The following LIPA variants were observed in gnomAD, a reference collection of about 807,000 sequenced individuals.
The protein encoded by LIPA is lipase A, lysosomal acid type, also known as lysosomal acid lipase/cholesteryl ester hydrolase.
LIPA carries 26 observed loss-of-function variants against 40.6 expected under a neutral mutation model. The ratio of observed to expected loss-of-function variants is 0.64; its 90% CI spans 0.47 to 0.89. The LOEUF (loss-of-function observed/expected upper bound fraction) is 0.89. Ranked by LOEUF, LIPA falls within the 40% of genes least tolerant of loss-of-function variation. The pLI is 0.00. For synonymous variants in LIPA, 188 were observed against 168.4 expected (o/e 1.12, Z -0.90); for missense variants, 455 against 479.6 (o/e 0.95, Z 0.48).
chr10:89,409,344 GT>G (rs1281523671), intron 2 of LIPA, among the ~76,000 whole-genome samples: 10 of 148,662 alleles, frequency 6.7e-5, no homozygotes, highest in Non-Finnish European at 1.2e-4. Flanking sequence ...AACCTTGGTG[GT>G]TCAGAGAGGA....
rs117981517 is a variant in LIPA, at chr10:89,378,789, C to T, written c.61+34002G>A. ...GTTTCCTAACTCCTGTTACAGAGCTCGCTTAGTAAGGGTAGCTGGCTTAAT... is the reference window on the plus strand; with the variant it reads ...GTTTCCTAACTCCTGTTACAGAGCTTGCTTAGTAAGGGTAGCTGGCTTAAT... On this transcript the variant is annotated intron_variant, in intron 2 of 8. Coordinates refer to the LIPA transcript ENST00000371837. Among the ~76,000 whole-genome samples, 665 of 152,320 alleles carry T rather than the reference C, an allele frequency of 4.4e-3. 2 individuals are homozygous for T. The highest frequency in any genetic ancestry group is 7.5e-3 in the Non-Finnish European group (507 of 68,030).
intron 1 of LIPA, among the ~76,000 whole-genome samples, chr10:89,319,349 A>G (rs1011159399): frequency 1.3e-5 from 2 of 152,224 alleles, no homozygotes; most frequent in African/African-American, 2.4e-5. Flanking sequence ...AGAAGAATCA[A>G]ATAGATGCAA....
At chr10:89,235,689 A>G (rs1842896795) in intron 3 of LIPA, among the ~76,000 whole-genome samples, 2 of 152,218 alleles carry the variant, frequency 1.3e-5, no homozygotes, top group African/African-American at 4.8e-5. Flanking sequence ...ACATGTGAGA[A>G]ATCAGCTGAG....
At chr10:89,283,841 T>C (rs1010877845) in intron 1 of LIPA, 4 of 152,216 alleles carry the variant, frequency 2.6e-5, no homozygotes, top group African/African-American at 4.8e-5. Context: ...AAATCAGCCT[T>C]TGCCAGAACA....
intron 1 of LIPA, chr10:89,292,528 G>A (rs1472098988): frequency 2.0e-5 from 3 of 152,256 alleles, no homozygotes; most frequent in Non-Finnish European, 4.4e-5. Flanking sequence ...TAAATGGTAT[G>A]GGTGGCAGTA....
intron 4 of LIPA, among the ~76,000 whole-genome samples, chr10:89,227,704 T>C (rs1477965493): frequency 6.6e-6 from 1 of 152,180 alleles, no homozygotes; most frequent in Non-Finnish European, 1.5e-5. Context: ...CTCTGCACCC[T>C]CTCCTTTAAG....
intron 1 of LIPA, among the ~76,000 whole-genome samples, chr10:89,260,610 A>G (rs1379746115): frequency 6.6e-6 from 1 of 152,150 alleles, no homozygotes; most frequent in Non-Finnish European, 1.5e-5. Context: ...GTGCCGACAC[A>G]TTCTGGTACA....
At chr10:89,293,844 T>C (rs1843393103) in intron 1 of LIPA, among the ~76,000 whole-genome samples, 1 of 152,174 alleles carries the variant, frequency 6.6e-6, no homozygotes, top group South Asian at 2.1e-4. Context: ...ACAGGCCCTA[T>C]CTCCAAACAA....
intron 1 of LIPA, among the ~76,000 whole-genome samples, chr10:89,310,537 A>G (rs978042423): frequency 2.0e-5 from 3 of 152,220 alleles, no homozygotes; most frequent in East Asian, 1.9e-4. Flanking sequence ...CTAATATGTA[A>G]GAAATTTTCC....
chr10:89,216,572 A>G (rs899122483), intron 8 of LIPA, among the ~76,000 whole-genome samples: 21 of 152,144 alleles, frequency 1.4e-4, no homozygotes, highest in Admixed American at 5.9e-4. Flanking sequence ...ATAAAAGATA[A>G]TAAAACAATA....
At chr10:89,239,337 C>G (rs1205216557) in intron 3 of LIPA, among the ~76,000 whole-genome samples, 1 of 152,226 alleles carries the variant, frequency 6.6e-6, no homozygotes, top group East Asian at 1.9e-4. Context: ...TTATCTTGGG[C>G]AAGTTAATTA....
chr10:89,395,724 A>G (rs535849149), intron 2 of LIPA, among the ~76,000 whole-genome samples: 1 of 152,198 alleles, frequency 6.6e-6, no homozygotes, highest in Non-Finnish European at 1.5e-5. Context: ...AGAAAGGCAC[A>G]TTGTAAATAT....
chr10:89,316,148 G>C (rs1843540366), intron 1 of LIPA, among the ~76,000 whole-genome samples: 1 of 152,184 alleles, frequency 6.6e-6, no homozygotes, highest in Non-Finnish European at 1.5e-5. Context: ...ATAGCTCCCA[G>C]CATGAGTGAT....
At chr10:89,371,281 A>T (rs1844089995) in intron 2 of LIPA, among the ~76,000 whole-genome samples, 1 of 152,216 alleles carries the variant, frequency 6.6e-6, no homozygotes, top group South Asian at 2.1e-4. Context: ...ATGGCTTAAG[A>T]CATATGGGTT....
chr10:89,256,998 T>C (rs12359655), intron 1 of LIPA, among the ~76,000 whole-genome samples: 3,658 of 152,340 alleles, frequency 0.024, 78 homozygotes, highest in Middle Eastern at 0.051. Flanking sequence ...TGCCATATTA[T>C]ACTATGTGCA....
intron 2 of LIPA, chr10:89,403,316 A>G (rs770606189): frequency 2.5e-5 from 41 of 1,613,796 alleles, no homozygotes; most frequent in Non-Finnish European, 3.4e-5. Flanking sequence ...TAGACCTGGC[A>G]AGAATGTATA....
chr10:89,362,903 AT>A, intron 2 of LIPA: 1 of 277,404 alleles, frequency 3.6e-6, no homozygotes. Context: ...GTAATGAGAC[AT>A]TTTCTCTGCA....
At chr10:89,258,804 T>C (rs191561138) in intron 1 of LIPA, among the ~76,000 whole-genome samples, 60 of 152,368 alleles carry the variant, frequency 3.9e-4, no homozygotes, top group African/African-American at 1.4e-3. Context: ...AACAACCATA[T>C]GTTCATCAAC....
chr10:89,290,752 T>C (rs1225662459), intron 1 of LIPA, among the ~76,000 whole-genome samples: 1 of 152,224 alleles, frequency 6.6e-6, no homozygotes, highest in Non-Finnish European at 1.5e-5. Context: ...TTCCACTATC[T>C]ACCCAAATCT....
Sources: gnomAD v4.1 joint callset for allele counts (sites outside exome capture counted in the v4.1 genomes callset) on GRCh38, gnomAD v4.1.1 for gene constraint, MANE v1.5 for transcripts, NCBI Gene and HGNC (gene_info 2026-07-23, HGNC 2026-07-21) for gene names.